The following ROR2 variants were observed in gnomAD, a reference collection of about 807,000 sequenced individuals.
ROR2 encodes the protein tyrosine-protein kinase transmembrane receptor ROR2.
In ROR2, 33 loss-of-function variants were observed where a neutral mutation model predicts 74.9. The observed-to-expected ratio is 0.44, with a 90% CI of 0.33 to 0.59. The LOEUF (loss-of-function observed/expected upper bound fraction) is 0.59. Among genes scored for constraint, ROR2 ranks in the 20% least tolerant of loss-of-function variants. The pLI, the probability that ROR2 is intolerant of heterozygous loss-of-function variation, is 0.02. For missense variants in ROR2, 1,216 were observed against 1,313.8 expected (o/e 0.93, Z 1.15); for synonymous variants, 586 against 558.7 (o/e 1.05, Z -0.69).
intron 2 of ROR2, among the ~76,000 whole-genome samples, chr9:91,770,428 C>G (rs531884474): frequency 6.6e-6 from 1 of 152,354 alleles, no homozygotes; most frequent in East Asian, 1.9e-4. Flanking sequence ...GTGCCTCTCA[C>G]ATTCTGGTCT....
At chr9:91,839,271 T>TAA (rs1563991792) in intron 1 of ROR2, among the ~76,000 whole-genome samples, 16 of 133,154 alleles carry the variant, frequency 1.2e-4, no homozygotes, top group African/African-American at 4.2e-4. Flanking sequence ...TGTGTGTGTG[T>TAA]GTGTGTGTGT....
intron 1 of ROR2, among the ~76,000 whole-genome samples, chr9:91,887,422 T>C (rs1272013052): frequency 6.6e-6 from 1 of 152,236 alleles, no homozygotes; most frequent in African/African-American, 2.4e-5. Flanking sequence ...AACCTTTACA[T>C]AAATATCAAG....
intron 1 of ROR2, among the ~76,000 whole-genome samples, chr9:91,890,663 T>G (rs1830400896): frequency 6.6e-6 from 1 of 152,220 alleles, no homozygotes; most frequent in Non-Finnish European, 1.5e-5. Context: ...ATTTTCCAGT[T>G]TATTACCTAC....
intron 1 of ROR2, among the ~76,000 whole-genome samples, chr9:91,826,963 T>C (rs1350438338): frequency 6.6e-6 from 1 of 152,130 alleles, no homozygotes; most frequent in Non-Finnish European, 1.5e-5. Context: ...GAAAGAATAA[T>C]GAAGGAACAA....
intron 3 of ROR2, among the ~76,000 whole-genome samples, chr9:91,756,929 T>C (rs1587690034): frequency 6.6e-6 from 1 of 152,012 alleles, no homozygotes; most frequent in Non-Finnish European, 1.5e-5. Context: ...TTTGTATTTT[T>C]AGTAGAGATG....
At chr9:91,783,597 T>TCAGCTGCAGCTG (rs148470779) in intron 1 of ROR2, among the ~76,000 whole-genome samples, 6 of 151,892 alleles carry the variant, frequency 4.0e-5, no homozygotes, top group Non-Finnish European at 5.9e-5. Flanking sequence ...CTCCAGGGTT[T>TCAGCTGCAGCTG]CAGCTGCAGC....
At chr9:91,854,718 T>C (rs1329119950) in intron 1 of ROR2, among the ~76,000 whole-genome samples, 1 of 152,186 alleles carries the variant, frequency 6.6e-6, no homozygotes, top group East Asian at 1.9e-4. Context: ...GTTGGTAAGC[T>C]GGAGGTCTCA....
chr9:91,778,864 AG>A (rs1826511945), intron 1 of ROR2, among the ~76,000 whole-genome samples: 1 of 152,216 alleles, frequency 6.6e-6, no homozygotes, highest in Admixed American at 6.5e-5. Flanking sequence ...GTAGGGGAGT[AG>A]TGATTTATAA....
At chr9:91,814,448 G>C (rs1827861567) in intron 1 of ROR2, among the ~76,000 whole-genome samples, 1 of 152,068 alleles carries the variant, frequency 6.6e-6, no homozygotes, top group Non-Finnish European at 1.5e-5. Flanking sequence ...ACAGGCTCCG[G>C]AGGGCCCTGG....
chr9:91,889,190 A>C (rs1356733644), intron 1 of ROR2, among the ~76,000 whole-genome samples: 1 of 152,184 alleles, frequency 6.6e-6, no homozygotes, highest in African/African-American at 2.4e-5. Flanking sequence ...CCTGGTACCA[A>C]GGAAGGAGCA....
chr9:91,814,621 A>C (rs1196118974), intron 1 of ROR2, among the ~76,000 whole-genome samples: 1 of 152,234 alleles, frequency 6.6e-6, no homozygotes, highest in East Asian at 1.9e-4. Context: ...AAAGACAAAA[A>C]GTTAACCTGA....
intron 1 of ROR2, among the ~76,000 whole-genome samples, chr9:91,926,430 C>CA (rs1831399963): frequency 6.7e-6 from 1 of 150,110 alleles, no homozygotes; most frequent in Admixed American, 6.7e-5. Context: ...CCTATAACGC[C>CA]AGCTACTCAG....
At chr9:91,812,345 T>G (rs988930987) in intron 1 of ROR2, among the ~76,000 whole-genome samples, 30 of 152,128 alleles carry the variant, frequency 2.0e-4, no homozygotes, top group African/African-American at 7.0e-4. Flanking sequence ...TCCTTCTATT[T>G]TTCCCAAGTA....
chr9:91,762,342 G>C (rs1427025359), intron 2 of ROR2, among the ~76,000 whole-genome samples: 1 of 152,168 alleles, frequency 6.6e-6, no homozygotes, highest in Non-Finnish European at 1.5e-5. Context: ...AACAGTTTCT[G>C]AGTTGATTGC....
chr9:91,773,528 A>G (rs1456254725), intron 2 of ROR2, among the ~76,000 whole-genome samples: 1 of 152,242 alleles, frequency 6.6e-6, no homozygotes, highest in African/African-American at 2.4e-5. Context: ...AACGTTTTAG[A>G]TTTGTGCTAC....
intron 2 of ROR2, among the ~76,000 whole-genome samples, chr9:91,765,104 A>C (rs1216320333): frequency 6.6e-6 from 1 of 152,162 alleles, no homozygotes; most frequent in African/African-American, 2.4e-5. Context: ...TAAAACCTCT[A>C]TCAGTATTTC....
intron 1 of ROR2, among the ~76,000 whole-genome samples, chr9:91,889,438 A>AT (rs1830370381): frequency 6.6e-6 from 1 of 152,196 alleles, no homozygotes; most frequent in Non-Finnish European, 1.5e-5. Context: ...GACATACTGC[A>AT]TGCTAGACGT....
intron 1 of ROR2, among the ~76,000 whole-genome samples, chr9:91,839,234 G>A (rs1828702947): frequency 1.3e-5 from 2 of 151,142 alleles, no homozygotes; most frequent in Non-Finnish European, 1.5e-5. Flanking sequence ...CCTGATTCCT[G>A]GTGCTGTCAG....
intron 1 of ROR2, among the ~76,000 whole-genome samples, chr9:91,867,686 G>GTGTT: frequency 6.6e-6 from 1 of 151,658 alleles, no homozygotes; most frequent in South Asian, 2.1e-4. Context: ...GTGTGTGTGT[G>GTGTT]TGTGTGTGTG....
Sources: allele counts gnomAD v4.1 joint callset (sites outside exome capture counted in the v4.1 genomes callset), GRCh38; gene constraint gnomAD v4.1.1; transcripts MANE v1.5; gene names NCBI Gene and HGNC (gene_info 2026-07-23, HGNC 2026-07-21).